FHIT: variants seen among roughly 807,000 people sequenced by gnomAD.
The protein encoded by FHIT is fragile histidine triad diadenosine triphosphatase, also known as bis(5'-adenosyl)-triphosphatase.
In FHIT, 19 loss-of-function variants were observed where a neutral mutation model predicts 17.9. The observed-to-expected ratio is 1.06, with a 90% CI of 0.74 to 1.56. The LOEUF (loss-of-function observed/expected upper bound fraction) is 1.56, where lower values mean the gene tolerates loss of function less well. Ranked by LOEUF, FHIT falls within the 40% of genes most tolerant of loss-of-function variation. FHIT has a pLI of 0.00. For synonymous variants in FHIT, 81 were observed against 69.7 expected (o/e 1.16, Z -0.81); for missense variants, 248 against 189.2 (o/e 1.31, Z -1.82).
chr3:60,062,341 A>G (rs1041392402), intron 5 of FHIT, among the ~76,000 whole-genome samples: 5 of 152,196 alleles, frequency 3.3e-5, no homozygotes, highest in African/African-American at 1.2e-4. Context: ...GGATTCAATG[A>G]TAATGACAAT....
intron 3 of FHIT, among the ~76,000 whole-genome samples, chr3:60,870,245 G>T (rs948039020): frequency 1.4e-5 from 1 of 70,166 alleles, no homozygotes; most frequent in Non-Finnish European, 2.8e-5. Context: ...CAATACAGAG[G>T]TATTTAAACA....
At chr3:60,716,402 AC>A (rs2041684403) in intron 4 of FHIT, among the ~76,000 whole-genome samples, 1 of 151,954 alleles carries the variant, frequency 6.6e-6, no homozygotes, top group Admixed American at 6.6e-5. Context: ...ATTTTTTTAA[AC>A]TTTTTTTTGT....
At chr3:60,851,958 A>G (rs1162541306) in intron 3 of FHIT, among the ~76,000 whole-genome samples, 1 of 152,176 alleles carries the variant, frequency 6.6e-6, no homozygotes, top group African/African-American at 2.4e-5. Context: ...AATTTTATGT[A>G]TCAACTTGAC....
At chr3:61,055,862 T>C (rs551930758) in intron 2 of FHIT, among the ~76,000 whole-genome samples, 54 of 152,304 alleles carry the variant, frequency 3.5e-4, no homozygotes, top group African/African-American at 1.2e-3. Flanking sequence ...TGTGGATACA[T>C]AGTGTATATA....
chr3:60,978,153 T>G (rs1338653690), intron 3 of FHIT, among the ~76,000 whole-genome samples: 1 of 152,170 alleles, frequency 6.6e-6, no homozygotes, highest in African/African-American at 2.4e-5. Flanking sequence ...ACCATGTACT[T>G]TCCTTGAGCC....
At chr3:60,496,905 A>G (rs2034323055) in intron 5 of FHIT, among the ~76,000 whole-genome samples, 1 of 152,176 alleles carries the variant, frequency 6.6e-6, no homozygotes, top group Non-Finnish European at 1.5e-5. Flanking sequence ...AATATTAAAT[A>G]CATCAAACAA....
At chr3:60,494,042 T>TA (rs1466025494) in intron 5 of FHIT, among the ~76,000 whole-genome samples, 2 of 152,196 alleles carry the variant, frequency 1.3e-5, no homozygotes. Context: ...CTCAAATACA[T>TA]AAAGTTGTAA....
chr3:59,922,290 T>A, intron 8 of FHIT, 56 bp downstream of exon 8: 1 of 1,362,428 alleles, frequency 7.3e-7, no homozygotes, highest in South Asian at 1.2e-5. Flanking sequence ...TAGGTTGATG[T>A]CATCCCACCG....
intron 5 of FHIT, among the ~76,000 whole-genome samples, chr3:60,265,983 T>C (rs1706555327): frequency 6.6e-6 from 1 of 151,972 alleles, no homozygotes. Context: ...ATGATGCATC[T>C]AATTTATTAT....
rs1386837953 is a variant in FHIT at position 60,771,409 on chromosome 3, TC to T, written c.-18+50509del. ...GTGTTAAATATCTGGCATAGTCATT[TC>T]AAAACAGGAACGGAGTGGTCTGCAT... is the stretch of plus-strand genomic sequence containing the variant. On this transcript the variant is annotated intron_variant, in intron 4 of 9. Transcript: ENST00000492590. Among the ~76,000 whole-genome samples the T allele has an allele frequency of 2.0e-5, 3 of 152,344 alleles. No homozygotes were observed. The East Asian group carries it at 5.8e-4, about 29-fold the overall frequency.
chr3:59,792,255 G>T (rs956406349), intron 8 of FHIT, among the ~76,000 whole-genome samples: 3 of 152,146 alleles, frequency 2.0e-5, no homozygotes, highest in African/African-American at 7.2e-5. Context: ...GTAATTGAGG[G>T]CCTCTCAAAG....
At chr3:60,771,821 T>C (rs1246709487) in intron 4 of FHIT, among the ~76,000 whole-genome samples, 1 of 152,224 alleles carries the variant, frequency 6.6e-6, no homozygotes, top group African/African-American at 2.4e-5. Flanking sequence ...ATTTATTTCT[T>C]ATGCAAAATT....
rs963141984 is a variant in FHIT, at chr3:60,704,525, T to A, written c.-18+117394A>T. Among the ~76,000 whole-genome samples, 6 of 152,334 alleles carry A rather than the reference T, an allele frequency of 3.9e-5. 1 individual carries two copies. Among genetic ancestry groups the A allele is most frequent in the African/African-American group, 1.2e-4 (5 of 41,586 alleles). Reference sequence around the variant, plus strand: ...AACATATTTGCTCTAAAATCATTAGTGCTGCATCAGCACTTCTGATCTAAA... The same window carrying A: ...AACATATTTGCTCTAAAATCATTAGAGCTGCATCAGCACTTCTGATCTAAA... On this transcript the variant is annotated intron_variant, in intron 4 of 9. Coordinates refer to ENST00000492590, the MANE Select transcript of FHIT (RefSeq NM_002012.4).
At chr3:60,308,494 G>GTATA (rs1308402989) in intron 5 of FHIT, among the ~76,000 whole-genome samples, 6 of 52,324 alleles carry the variant, frequency 1.1e-4, no homozygotes, top group African/African-American at 3.6e-4. Context: ...ATAGGTGTAT[G>GTATA]TGTATATATA....
chr3:60,377,602 C>T (rs1398634017), intron 5 of FHIT, among the ~76,000 whole-genome samples: 1 of 150,022 alleles, frequency 6.7e-6, no homozygotes, highest in African/African-American at 2.5e-5. Flanking sequence ...CTGCCTCAGC[C>T]TCCCGAGTAG....
At chr3:60,778,101 G>A (rs1575512478) in intron 4 of FHIT, among the ~76,000 whole-genome samples, 2 of 152,140 alleles carry the variant, frequency 1.3e-5, no homozygotes, top group Non-Finnish European at 2.9e-5. Context: ...ATCTTCTTTA[G>A]GTTATAGCTG....
chr3:59,977,589 C>T (rs1708471291), intron 7 of FHIT, among the ~76,000 whole-genome samples: 1 of 152,122 alleles, frequency 6.6e-6, no homozygotes. Flanking sequence ...GAACAAGTAA[C>T]CCTGATTTAA....
At chr3:60,480,704 C>T (rs1396607001) in intron 5 of FHIT, among the ~76,000 whole-genome samples, 1 of 152,206 alleles carries the variant, frequency 6.6e-6, no homozygotes, top group Non-Finnish European at 1.5e-5. Flanking sequence ...CTCCATGGAT[C>T]AAATCCAGGG....
intron 3 of FHIT, among the ~76,000 whole-genome samples, chr3:60,911,976 T>G (rs1429338105): frequency 6.6e-6 from 1 of 152,062 alleles, no homozygotes; most frequent in African/African-American, 2.4e-5. Context: ...ATTATGTGAA[T>G]GTTGCTATAA....
Sources: gnomAD v4.1 joint callset for allele counts (sites outside exome capture counted in the v4.1 genomes callset) on GRCh38, gnomAD v4.1.1 for gene constraint, MANE v1.5 for transcripts, NCBI Gene and HGNC (gene_info 2026-07-23, HGNC 2026-07-21) for gene names.